Variants in ANKRD30A observed in about 807,000 individuals in gnomAD.
ANKRD30A encodes ankyrin repeat domain-containing protein 30A.
ANKRD30A carries 170 observed loss-of-function variants against 166.3 expected under a neutral mutation model. That is an observed-to-expected ratio of 1.02 (90% confidence interval 0.90 to 1.16). The LOEUF (loss-of-function observed/expected upper bound fraction) is 1.16, where lower values mean the gene tolerates loss of function less well. Among genes scored for constraint, ANKRD30A ranks in the 50% most tolerant of loss-of-function variants. The pLI is 0.00. For missense variants in ANKRD30A, 1,630 were observed against 1,518.0 expected (o/e 1.07, Z -1.23); for synonymous variants, 564 against 508.9 (o/e 1.11, Z -1.46).
chr10:37,192,734 C>G (rs924574330), intron 25 of ANKRD30A, among the ~76,000 whole-genome samples: 1 of 152,012 alleles, frequency 6.6e-6, no homozygotes, highest in Non-Finnish European at 1.5e-5. Context: ...ACTTGGTCAT[C>G]TTATTAAATA....
At chr10:37,131,074 C>A (rs1355016126) in intron 3 of ANKRD30A, among the ~76,000 whole-genome samples, 1 of 152,094 alleles carries the variant, frequency 6.6e-6, no homozygotes, top group Non-Finnish European at 1.5e-5. Context: ...TGTATATAAA[C>A]TATAAATAAT....
In ANKRD30A at chr10:37,149,799, C is replaced by G. The variant is rs267602481; in HGVS notation, c.1595C>G (p.Ser532Cys). Reference protein sequence around the residue: ...AFKPAIEMQNSVPNKAFELKN... With the variant: ...AFKPAIEMQNCVPNKAFELKN... Reference sequence around the variant, plus strand: ...TAGCCTGCCATTGAAATGCAAAACTCTGTTCCAAATAAAGCCTTTGAATTG... The same window carrying G: ...TAGCCTGCCATTGAAATGCAAAACTGTGTTCCAAATAAAGCCTTTGAATTG... The change falls in exon 11 of 36, where the codon TCT (serine) becomes TGT (cysteine). Residue 532 changes from serine to cysteine, a missense_variant. This residue lies in a region of ANKRD30A where 904 missense variants were observed against 818.5 expected (regional missense o/e 1.10). Coordinates refer to ENST00000361713, the MANE Select transcript of ANKRD30A (RefSeq NM_052997.3). 6.2e-7 allele frequency: 1 copy of G among 1,612,918 alleles called. No individual in the cohort carries two copies. The highest frequency in any genetic ancestry group is 1.1e-5 in the South Asian group (1 of 91,048).
chr10:37,202,099 T>A (rs2132695844), intron 31 of ANKRD30A, among the ~76,000 whole-genome samples: 1 of 152,000 alleles, frequency 6.6e-6, no homozygotes, highest in South Asian at 2.1e-4. Flanking sequence ...GTGGGAAAAA[T>A]GTGGAAGAAT....
chr10:37,164,762 G>A (rs1839175150), intron 17 of ANKRD30A, among the ~76,000 whole-genome samples: 1 of 152,052 alleles, frequency 6.6e-6, no homozygotes, highest in Admixed American at 6.6e-5. Context: ...GAGATGATAG[G>A]TAATTACAGT....
At position 37,129,937 on chromosome 10, in the gene ANKRD30A, T is replaced by C; in HGVS notation, c.266T>C (p.Val89Ala). The C allele has an allele frequency of 6.3e-7, 1 of 1,575,864 alleles. No individual in the cohort carries two copies. Among genetic ancestry groups the C allele is most frequent in the Non-Finnish European group, 8.6e-7 (1 of 1,158,642 alleles). Residue 89 changes from valine to alanine, a missense_variant, in exon 2 of 36, where the codon GTA (valine) becomes GCA (alanine). By Grantham distance (64) the Val-to-Ala change is moderately conservative (BLOSUM62 0). Coordinates refer to ENST00000361713, the MANE Select transcript of ANKRD30A (RefSeq NM_052997.3). ...TGTGTCAATGGCCATGAGGAAGTAGTAACATTTCTGGTAGACAGAAAGTGC... is the reference window on the plus strand; with the variant it reads ...TGTGTCAATGGCCATGAGGAAGTAGCAACATTTCTGGTAGACAGAAAGTGC... ...WACVNGHEEV[V>A]TFLVDRKCQL...
the ANKRD30A span, among the ~76,000 whole-genome samples, chr10:37,256,691 T>A: frequency 1.3e-5 from 2 of 152,232 alleles, no homozygotes; most frequent in Non-Finnish European, 2.9e-5. Flanking sequence ...ACTCAAAGAT[T>A]ATTCTCCTGA....
chr10:37,151,972 T>G, intron 11 of ANKRD30A, 88 bp from the exon 12 acceptor site: 1 of 1,200,058 alleles, frequency 8.3e-7, no homozygotes. Context: ...AACCACAGAT[T>G]CGTGAATGAA....
At chr10:37,172,016 A>G (rs1330251852) in intron 21 of ANKRD30A, among the ~76,000 whole-genome samples, 5 of 145,916 alleles carry the variant, frequency 3.4e-5, no homozygotes, top group African/African-American at 1.3e-4. Flanking sequence ...ACATTACTTT[A>G]GAAAACATAA....
downstream of ANKRD30A, chr10:37,232,593 A>G (rs1843461077): frequency 7.0e-6 from 1 of 142,698 alleles, no homozygotes; most frequent in African/African-American, 2.6e-5. Flanking sequence ...GTAAGAATCA[A>G]TTTCTGGAGA....
In ANKRD30A at chr10:37,130,552, TAG is replaced by T. The variant is rs1366758512; in HGVS notation, c.510+179_510+180del. ...ATATTAATGTTTTTACAAGAACTAT[TAG>T]AGAGTATGGATTTTCTCTGCATTTA... On this transcript the variant is annotated intron_variant, in intron 3 of 35. Transcript: ENST00000361713. Among the ~76,000 whole-genome samples, 4 of 152,354 alleles carry T rather than the reference TAG, an allele frequency of 2.6e-5. No homozygotes were observed. In the East Asian group the frequency reaches 7.7e-4, roughly 29 times the overall value.
At chr10:37,134,197 T>G in intron 5 of ANKRD30A, 144 bp downstream of exon 5, 1 of 988,072 alleles carries the variant, frequency 1.0e-6, no homozygotes, top group Non-Finnish European at 1.5e-6. Context: ...GGATTCTTTA[T>G]TTTAGGACTT....
At chr10:37,129,324 G>A (rs1254177899) in intron 1 of ANKRD30A, among the ~76,000 whole-genome samples, 1 of 152,120 alleles carries the variant, frequency 6.6e-6, no homozygotes, top group African/African-American at 2.4e-5. Flanking sequence ...TGTCAGAAAT[G>A]TTAAAATATG....
chr10:37,245,861 G>A, the ANKRD30A span, among the ~76,000 whole-genome samples: 2 of 152,142 alleles, frequency 1.3e-5, no homozygotes, highest in Non-Finnish European at 1.5e-5. Context: ...TTTTAGCTGG[G>A]TAATCTCAGG....
intron 6 of ANKRD30A, among the ~76,000 whole-genome samples, chr10:37,137,952 G>A (rs764119458): frequency 6.6e-6 from 1 of 152,158 alleles, no homozygotes; most frequent in Non-Finnish European, 1.5e-5. Flanking sequence ...CCAGACCCTC[G>A]AGTAGCCTAA....
intron 11 of ANKRD30A, among the ~76,000 whole-genome samples, chr10:37,150,702 G>A (rs887287633): frequency 3.3e-5 from 5 of 151,936 alleles, no homozygotes; most frequent in East Asian, 1.9e-4. Context: ...ATATTAGGTT[G>A]TTTATAAAAT....
intron 31 of ANKRD30A, among the ~76,000 whole-genome samples, chr10:37,215,334 G>A (rs1254233864): frequency 6.6e-6 from 1 of 151,230 alleles, no homozygotes; most frequent in Admixed American, 6.6e-5. Context: ...AGACCCCCCC[G>A]ACCCAGCTTG....
At chr10:37,196,620 A>G (rs944234063) in intron 27 of ANKRD30A, among the ~76,000 whole-genome samples, 2 of 152,304 alleles carry the variant, frequency 1.3e-5, no homozygotes, top group Middle Eastern at 6.8e-3. Flanking sequence ...ATTGCAATAA[A>G]TTTTTATAGA....
At chr10:37,132,878 G>T (rs1836462132) in intron 4 of ANKRD30A, among the ~76,000 whole-genome samples, 1 of 152,028 alleles carries the variant, frequency 6.6e-6, no homozygotes, top group African/African-American at 2.4e-5. Context: ...CATGCCTGTA[G>T]TCCCAGCTAC....
rs531466685 is a variant in ANKRD30A at position 37,165,233 on chromosome 10, T to G, written c.2064+78T>G. The G allele has an allele frequency of 5.1e-4, 700 of 1,360,552 alleles. 7 individuals carry two copies. The African/African-American group carries it at 7.8e-3, about 15-fold the overall frequency. 84.3% of individuals were successfully genotyped at this position (1,360,552 alleles called of 1,614,324 possible). A position where few individuals can be genotyped will look rare whatever the true frequency, so the allele number is the denominator to read the frequency against. ...ATAAAATCAGATGCTTAGTCTTTAT[T>G]TTCTCACCTCTGCATGTGTCACCCT... is the stretch of plus-strand genomic sequence containing the variant. On this transcript the variant is annotated intron_variant, in intron 18 of 35. Transcript: ENST00000361713.
Sources: allele counts gnomAD v4.1 joint callset (sites outside exome capture counted in the v4.1 genomes callset), GRCh38; gene constraint gnomAD v4.1.1; regional missense constraint gnomAD v4.1.1; transcripts MANE v1.5; gene names NCBI Gene and HGNC (gene_info 2026-07-23, HGNC 2026-07-21).